Variants in FBXO15 observed in about 807,000 individuals in gnomAD.
FBXO15 encodes F-box protein 15, also known as F-box only protein 15.
Under a neutral mutation model 49.5 loss-of-function variants are expected in FBXO15, and 30 were observed. The observed-to-expected ratio is 0.61, with a 90% CI of 0.45 to 0.82. The LOEUF is 0.82. Ranked by LOEUF, FBXO15 falls within the 40% of genes least tolerant of loss-of-function variation. The pLI, the probability that FBXO15 is intolerant of heterozygous loss-of-function variation, is 0.00. For synonymous variants in FBXO15, 250 were observed against 232.7 expected, an observed-to-expected ratio of 1.07 and a Z score of -0.68; for missense variants, 591 against 631.5, an observed-to-expected ratio of 0.94 and a Z score of 0.69.
At chr18:74,077,367 CA>C (rs1485690349) in intron 9 of FBXO15, among the ~76,000 whole-genome samples, 4 of 152,156 alleles carry the variant, frequency 2.6e-5, no homozygotes, top group Admixed American at 2.6e-4. Flanking sequence ...AAGAAGCAGC[CA>C]GCATGAAACA....
chr18:74,113,818 C>T (rs1380926991), intron 8 of FBXO15, among the ~76,000 whole-genome samples: 1 of 152,212 alleles, frequency 6.6e-6, no homozygotes, highest in Non-Finnish European at 1.5e-5. Context: ...TCATACTTTG[C>T]ATTGCTGATC....
chr18:74,145,593 A>AGTT (rs1568186088), intron 1 of FBXO15, among the ~76,000 whole-genome samples: 3 of 108,142 alleles, frequency 2.8e-5, no homozygotes, highest in African/African-American at 1.4e-4. Flanking sequence ...AACCAACTGC[A>AGTT]CTTTTTTTTT....
At chr18:74,081,818 A>G (rs1047122287) in intron 9 of FBXO15, 109 bp downstream of exon 9, 49 of 814,018 alleles carry the variant, frequency 6.0e-5, no homozygotes, top group Non-Finnish European at 8.0e-5. Context: ...ATCCAGAACT[A>G]TAAAAGAAAC....
chr18:74,145,921 A>C (rs553544008), intron 1 of FBXO15, among the ~76,000 whole-genome samples: 54 of 152,324 alleles, frequency 3.5e-4, no homozygotes, highest in South Asian at 1.7e-3. Context: ...TTTAAGGTCC[A>C]CATAATTAAC....
intron 8 of FBXO15, among the ~76,000 whole-genome samples, chr18:74,094,896 T>C (rs1264696686): frequency 1.3e-5 from 2 of 152,258 alleles, no homozygotes; most frequent in Non-Finnish European, 2.9e-5. Flanking sequence ...CATTGTTTAG[T>C]GTAGCCACCT....
intron 8 of FBXO15, among the ~76,000 whole-genome samples, chr18:74,119,259 C>G (rs1428580145): frequency 2.0e-5 from 3 of 152,168 alleles, no homozygotes; most frequent in African/African-American, 7.2e-5. Flanking sequence ...AATCCTTTAG[C>G]TAAAGAAACA....
At chr18:74,113,197 A>G (rs1914103231) in intron 8 of FBXO15, among the ~76,000 whole-genome samples, 1 of 152,230 alleles carries the variant, frequency 6.6e-6, no homozygotes, top group Non-Finnish European at 1.5e-5. Flanking sequence ...CGCTGGTCTG[A>G]AAAGGTTAAT....
intron 4 of FBXO15, 132 bp from the exon 5 acceptor site, chr18:74,129,746 A>G (rs1978316151): frequency 1.4e-6 from 1 of 720,102 alleles, no homozygotes; most frequent in East Asian, 2.7e-5. Flanking sequence ...GAATGTGCCC[A>G]GTATAATTTT....
intron 8 of FBXO15, among the ~76,000 whole-genome samples, chr18:74,101,830 A>T (rs1913535015): frequency 6.6e-6 from 1 of 152,156 alleles, no homozygotes; most frequent in Non-Finnish European, 1.5e-5. Flanking sequence ...CAGTCAATTG[A>T]TCTTGAACAA....
At chr18:74,100,938 G>A (rs1346264377) in intron 8 of FBXO15, among the ~76,000 whole-genome samples, 1 of 152,012 alleles carries the variant, frequency 6.6e-6, no homozygotes, top group African/African-American at 2.4e-5. Flanking sequence ...CAACAAAAAA[G>A]TCCAGGGACA....
intron 8 of FBXO15, among the ~76,000 whole-genome samples, chr18:74,108,646 G>GT (rs1323822906): frequency 6.6e-6 from 1 of 152,040 alleles, no homozygotes; most frequent in Non-Finnish European, 1.5e-5. Context: ...ACTTGAAACA[G>GT]TAATGACTGA....
chr18:74,129,112 G>A (rs1297625951), intron 5 of FBXO15, among the ~76,000 whole-genome samples: 1 of 152,032 alleles, frequency 6.6e-6, no homozygotes, highest in Admixed American at 6.6e-5. Context: ...TGTTAAGATG[G>A]TTAAAATGAA....
intron 8 of FBXO15, among the ~76,000 whole-genome samples, chr18:74,090,568 G>C (rs1912980052): frequency 6.6e-6 from 1 of 152,082 alleles, no homozygotes; most frequent in Non-Finnish European, 1.5e-5. Context: ...TCATAACACT[G>C]CCTTAGCTTT....
intron 2 of FBXO15, among the ~76,000 whole-genome samples, chr18:74,136,263 C>T (rs2145215882): frequency 6.6e-6 from 1 of 152,246 alleles, no homozygotes; most frequent in Admixed American, 6.5e-5. Flanking sequence ...TTCACTGCAG[C>T]CCAGAACTCC....
At chr18:74,089,242 A>T (rs1308609918) in intron 8 of FBXO15, among the ~76,000 whole-genome samples, 2 of 152,042 alleles carry the variant, frequency 1.3e-5, no homozygotes, top group Non-Finnish European at 2.9e-5. Flanking sequence ...GTCAGCATGG[A>T]TGTTGTTGGT....
chr18:74,111,557 C>T (rs1778334713), intron 8 of FBXO15, among the ~76,000 whole-genome samples: 1 of 151,778 alleles, frequency 6.6e-6, no homozygotes. Context: ...ATATTTATGG[C>T]ATTAAATTCA....
At position 74,147,733 on chromosome 18, in the gene FBXO15, G is replaced by A. The variant is rs1979543732; in HGVS notation, c.53C>T (p.Thr18Met). The A allele has an allele frequency of 2.0e-6, 3 of 1,536,370 alleles. No homozygotes were observed. Among genetic ancestry groups the A allele is most frequent in the Admixed American group, 2.0e-5 (1 of 50,350 alleles). ...ILQQHWLGLQ[T>M]LRGPSRGGGA... ...ACCGCCCCTGCTGGGCCCGCGCAGC[G>A]TCTGGAGGCCGAGCCAGTGCTGCTG... Residue 18 changes from threonine to methionine, a missense_variant, in exon 1 of 10, where the codon ACG (threonine) becomes ATG (methionine). Thr to Met is a moderately conservative substitution (Grantham distance 81). Transcript: ENST00000419743.
intron 8 of FBXO15, among the ~76,000 whole-genome samples, chr18:74,094,681 A>G (rs1302506815): frequency 1.3e-5 from 2 of 152,232 alleles, no homozygotes; most frequent in African/African-American, 4.8e-5. Context: ...GAGACAAAGT[A>G]GATTTAGCAG....
intron 8 of FBXO15, among the ~76,000 whole-genome samples, chr18:74,115,983 T>C (rs1914214941): frequency 1.3e-5 from 2 of 152,230 alleles, no homozygotes; most frequent in Non-Finnish European, 2.9e-5. Context: ...TCAATTCATT[T>C]TCAAAACTTA....
Sources: gnomAD v4.1 joint callset for allele counts (sites outside exome capture counted in the v4.1 genomes callset) on GRCh38, gnomAD v4.1.1 for gene constraint, MANE v1.5 for transcripts, NCBI Gene and HGNC (gene_info 2026-07-23, HGNC 2026-07-21) for gene names.